ADGB: variants seen among roughly 807,000 people sequenced by gnomAD.
The protein encoded by ADGB is calpain-7-like protein.
A neutral mutation model predicts 210.5 loss-of-function variants in ADGB; 172 were observed. The ratio of observed to expected loss-of-function variants is 0.82; its 90% CI spans 0.72 to 0.93. The LOEUF is 0.93. Among genes scored for constraint, ADGB ranks in the 40% least tolerant of loss-of-function variants. ADGB has a pLI of 0.00. For synonymous variants in ADGB, 658 were observed against 662.7 expected, an observed-to-expected ratio of 0.99 and a Z score of 0.11; for missense variants, 2,025 against 1,964.8, an observed-to-expected ratio of 1.03 and a Z score of -0.58.
intron 26 of ADGB, among the ~76,000 whole-genome samples, chr6:146,748,891 T>A (rs1472709732): frequency 6.6e-6 from 1 of 152,132 alleles, no homozygotes; most frequent in East Asian, 1.9e-4. Flanking sequence ...TAAATTTCCC[T>A]TTTTTTATGA....
intron 16 of ADGB, among the ~76,000 whole-genome samples, chr6:146,718,883 A>G (rs1776774082): frequency 6.6e-6 from 1 of 152,178 alleles, no homozygotes; most frequent in Admixed American, 6.5e-5. Context: ...GAAATCCTTC[A>G]CCTAGTCCTG....
At chr6:146,616,491 A>G (rs1484391658) in intron 1 of ADGB, among the ~76,000 whole-genome samples, 4 of 151,912 alleles carry the variant, frequency 2.6e-5, no homozygotes, top group African/African-American at 4.8e-5. Context: ...TTTTAAAAAT[A>G]TATATATTTG....
chr6:146,715,934 G>GGT (rs1197678891), intron 14 of ADGB, among the ~76,000 whole-genome samples: 4 of 151,786 alleles, frequency 2.6e-5, no homozygotes, highest in Non-Finnish European at 4.4e-5. Flanking sequence ...AGGGCATGGT[G>GGT]GTGTGTGCCT....
intron 5 of ADGB, among the ~76,000 whole-genome samples, chr6:146,661,580 T>C (rs1271875200): frequency 6.6e-6 from 1 of 152,092 alleles, no homozygotes; most frequent in Non-Finnish European, 1.5e-5. Flanking sequence ...TAAATTTTGC[T>C]TTTAAATTCA....
At chr6:146,670,465 T>G (rs1775991927) in intron 7 of ADGB, among the ~76,000 whole-genome samples, 1 of 152,166 alleles carries the variant, frequency 6.6e-6, no homozygotes, top group Non-Finnish European at 1.5e-5. Context: ...TATTTTTTTC[T>G]GCCTGGAATG....
At chr6:146,664,144 C>CGA in intron 5 of ADGB, 57 bp from the exon 6 acceptor site, 1 of 1,443,584 alleles carries the variant, frequency 6.9e-7, no homozygotes, top group Non-Finnish European at 9.2e-7. Context: ...CAATCATTTA[C>CGA]GAGAGAAAAG....
chr6:146,762,610 A>C (rs1777508945), intron 27 of ADGB, among the ~76,000 whole-genome samples: 1 of 152,108 alleles, frequency 6.6e-6, no homozygotes, highest in Non-Finnish European at 1.5e-5. Flanking sequence ...TACACTGCTA[A>C]GAGTCTAGAT....
chr6:146,691,880 T>C (rs1480289914), intron 11 of ADGB, among the ~76,000 whole-genome samples: 1 of 151,836 alleles, frequency 6.6e-6, no homozygotes, highest in Non-Finnish European at 1.5e-5. Context: ...GTTTTTTCCT[T>C]CCTTCCTTCT....
chr6:146,770,528 C>G, intron 29 of ADGB: 1 of 463,898 alleles, frequency 2.2e-6, no homozygotes, highest in Non-Finnish European at 4.5e-6. Flanking sequence ...TCGGTCTCAT[C>G]ATTGCATCTC....
At chr6:146,707,258 T>C (rs979614780) in intron 13 of ADGB, among the ~76,000 whole-genome samples, 8 of 152,214 alleles carry the variant, frequency 5.3e-5, no homozygotes, top group African/African-American at 1.7e-4. Context: ...GCCTAACATA[T>C]GAATATCCTG....
chr6:146,703,814 T>C (rs550701434), intron 13 of ADGB, among the ~76,000 whole-genome samples: 1 of 151,944 alleles, frequency 6.6e-6, no homozygotes, highest in East Asian at 1.9e-4. Flanking sequence ...TCATTTCCTT[T>C]GGATACACAC....
chr6:146,782,255 T>C, intron 30 of ADGB, 63 bp downstream of exon 30: 1 of 1,385,766 alleles, frequency 7.2e-7, no homozygotes, highest in Non-Finnish European at 9.5e-7. Flanking sequence ...GATTCCTATT[T>C]GCCTATCTCG....
intron 29 of ADGB, among the ~76,000 whole-genome samples, chr6:146,771,041 T>C (rs1777643510): frequency 1.3e-5 from 2 of 152,130 alleles, no homozygotes; most frequent in Admixed American, 1.3e-4. Flanking sequence ...TCTTGCCTAC[T>C]AGAAGAGAAC....
intron 1 of ADGB, among the ~76,000 whole-genome samples, chr6:146,601,253 TG>T (rs966223222): frequency 1.3e-5 from 2 of 152,292 alleles, no homozygotes; most frequent in East Asian, 1.9e-4. Flanking sequence ...ATGTCTAACA[TG>T]TTTTTTTTCT....
chr6:146,609,679 G>C (rs909735962), intron 1 of ADGB, among the ~76,000 whole-genome samples: 1 of 152,118 alleles, frequency 6.6e-6, no homozygotes, highest in African/African-American at 2.4e-5. Context: ...GTTTGCAAAG[G>C]ATTTTATTTC....
intron 33 of ADGB, among the ~76,000 whole-genome samples, chr6:146,796,526 C>A (rs981691828): frequency 1.3e-5 from 2 of 152,082 alleles, no homozygotes; most frequent in African/African-American, 4.8e-5. Flanking sequence ...GACACGTAGA[C>A]AATGGAACAG....
chr6:146,778,306 C>T (rs1777749925), intron 29 of ADGB, among the ~76,000 whole-genome samples: 1 of 152,040 alleles, frequency 6.6e-6, no homozygotes, highest in African/African-American at 2.4e-5. Flanking sequence ...CAGGGGAGGC[C>T]TGAGGAGACT....
rs373819943 is a variant in ADGB, at chr6:146,791,727, T to A, written c.4537+3117T>A. On this transcript the variant is annotated intron_variant, in intron 33 of 35. Coordinates refer to ENST00000397944, the MANE Select transcript of ADGB (RefSeq NM_024694.4). ...ACACCGTTTATTGAAGAGATTTCCC[T>A]TTCCCATTGTGTGTTCTGTTCCATT... 3.9e-5 allele frequency among the ~76,000 whole-genome samples: 6 copies of A among 152,204 alleles called. No individual in the cohort carries two copies. In the East Asian group the frequency reaches 9.7e-4, roughly 24 times the overall value.
Position 146,695,640 on chromosome 6 carries a change from T to C in ADGB, c.1577+2725T>C, listed in dbSNP as rs532423961. Reference sequence around the variant, plus strand: ...ATATAAAATTAAAAATTAATTTCCTTAGTTGCATTAGCAACATTTTAAGTT... The same window carrying C: ...ATATAAAATTAAAAATTAATTTCCTCAGTTGCATTAGCAACATTTTAAGTT... On this transcript the variant is annotated intron_variant, in intron 12 of 35. Coordinates refer to ENST00000397944, the MANE Select transcript of ADGB (RefSeq NM_024694.4). Among the ~76,000 whole-genome samples the C allele has an allele frequency of 3.3e-5, 5 of 151,964 alleles. No individual in the cohort carries two copies. In the East Asian group the frequency reaches 9.7e-4, roughly 29 times the overall value.
Sources: gnomAD v4.1 joint callset for allele counts (sites outside exome capture counted in the v4.1 genomes callset) on GRCh38, gnomAD v4.1.1 for gene constraint, MANE v1.5 for transcripts, NCBI Gene and HGNC (gene_info 2026-07-23, HGNC 2026-07-21) for gene names.